Variants in CDH12 observed in about 807,000 individuals in gnomAD.
The protein encoded by CDH12 is cadherin 12.
Under a neutral mutation model 74.1 loss-of-function variants are expected in CDH12, and 41 were observed. The observed-to-expected ratio is 0.55, with a 90% CI of 0.43 to 0.72. The LOEUF (loss-of-function observed/expected upper bound fraction) is 0.72, where lower values mean the gene tolerates loss of function less well. CDH12 is among the 30% of genes least tolerant of loss of function. The probability of loss-of-function intolerance (pLI) is 0.00; values close to 1 mark genes in which losing one functional copy is unlikely to be tolerated. For synonymous variants in CDH12, 399 were observed against 355.0 expected (o/e 1.12, Z -1.39); for missense variants, 945 against 977.2 (o/e 0.97, Z 0.44).
At chr5:21,931,911 G>C (rs1372567331) in intron 6 of CDH12, among the ~76,000 whole-genome samples, 1 of 152,126 alleles carries the variant, frequency 6.6e-6, no homozygotes, top group East Asian at 1.9e-4. Flanking sequence ...GAGATTTTTA[G>C]AAATAAAAAT....
At chr5:21,927,217 T>C (rs1012337196) in intron 6 of CDH12, among the ~76,000 whole-genome samples, 8 of 152,090 alleles carry the variant, frequency 5.3e-5, no homozygotes, top group Non-Finnish European at 8.8e-5. Flanking sequence ...GAAATAACAA[T>C]TAACCATGAC....
chr5:21,809,131 C>G (rs1747600868), intron 9 of CDH12, among the ~76,000 whole-genome samples: 1 of 152,008 alleles, frequency 6.6e-6, no homozygotes, highest in Non-Finnish European at 1.5e-5. Context: ...CAAGTTATTA[C>G]TATACTTTAG....
At chr5:22,473,625 A>T (rs1173554076) in intron 2 of CDH12, among the ~76,000 whole-genome samples, 1 of 152,154 alleles carries the variant, frequency 6.6e-6, no homozygotes, top group East Asian at 1.9e-4. Context: ...AATTGCAAAA[A>T]ATTTGAACAA....
intron 1 of CDH12, among the ~76,000 whole-genome samples, chr5:22,799,858 C>T (rs1332314063): frequency 6.6e-6 from 1 of 152,046 alleles, no homozygotes; most frequent in Admixed American, 6.6e-5. Context: ...ATAATTTTTG[C>T]TCTTAAAGTT....
intron 3 of CDH12, among the ~76,000 whole-genome samples, chr5:22,376,991 T>A (rs1486757808): frequency 6.6e-6 from 1 of 152,128 alleles, no homozygotes; most frequent in Non-Finnish European, 1.5e-5. Flanking sequence ...GGTATTAGTT[T>A]ATAAATTACC....
At chr5:22,666,221 A>G (rs1364123755) in intron 1 of CDH12, among the ~76,000 whole-genome samples, 1 of 148,440 alleles carries the variant, frequency 6.7e-6, no homozygotes, top group Non-Finnish European at 1.5e-5. Flanking sequence ...TGTCTAATCT[A>G]TTCTCACAGT....
intron 3 of CDH12, among the ~76,000 whole-genome samples, chr5:22,357,384 C>T (rs1414852363): frequency 6.6e-6 from 1 of 151,986 alleles, no homozygotes; most frequent in Non-Finnish European, 1.5e-5. Context: ...TTGAGGTAGT[C>T]TGCTCACAGA....
At chr5:22,259,160 T>C (rs1315400075) in intron 3 of CDH12, among the ~76,000 whole-genome samples, 1 of 152,112 alleles carries the variant, frequency 6.6e-6, no homozygotes, top group African/African-American at 2.4e-5. Flanking sequence ...CCATAATAAA[T>C]TGACAATGAA....
chr5:21,808,856 A>C (rs1747584051), intron 9 of CDH12, among the ~76,000 whole-genome samples: 1 of 152,114 alleles, frequency 6.6e-6, no homozygotes. Context: ...TTGCCACTAT[A>C]TCAGGTGAGA....
chr5:22,724,109 G>T (rs1465737433), intron 1 of CDH12, among the ~76,000 whole-genome samples: 1 of 151,748 alleles, frequency 6.6e-6, no homozygotes, highest in Non-Finnish European at 1.5e-5. Context: ...TGGAATTGGG[G>T]TTGGAATTTA....
At chr5:21,765,172 T>A (rs1744951992) in intron 11 of CDH12, 73 bp from the exon 12 acceptor site, 15 of 1,249,796 alleles carry the variant, frequency 1.2e-5, no homozygotes, top group Non-Finnish European at 1.6e-5. Context: ...TAAATAGTAT[T>A]TACATTTTTA....
At chr5:21,973,919 C>A (rs1319929686) in intron 6 of CDH12, among the ~76,000 whole-genome samples, 1 of 152,036 alleles carries the variant, frequency 6.6e-6, no homozygotes, top group Non-Finnish European at 1.5e-5. Flanking sequence ...GTAGCAGGTA[C>A]TGAATAACAG....
intron 3 of CDH12, among the ~76,000 whole-genome samples, chr5:22,239,430 T>TA (rs56947245): frequency 5.1e-3 from 763 of 148,516 alleles, no homozygotes; most frequent in African/African-American, 0.013. Context: ...AGAATTCTGT[T>TA]AAAAAAAAAA....
intron 1 of CDH12, among the ~76,000 whole-genome samples, chr5:22,695,263 G>A (rs1411810947): frequency 2.0e-5 from 3 of 152,076 alleles, no homozygotes; most frequent in Non-Finnish European, 4.4e-5. Flanking sequence ...CATTTGGGTT[G>A]GTTCCAAGTC....
intron 9 of CDH12, 103 bp downstream of exon 9, chr5:21,816,842 C>G (rs540142045): frequency 1.2e-6 from 1 of 801,852 alleles, no homozygotes; most frequent in Non-Finnish European, 1.9e-6. Flanking sequence ...AACTCTATTG[C>G]TAATTGAAGG....
At chr5:21,891,327 C>T (rs756091889) in intron 6 of CDH12, among the ~76,000 whole-genome samples, 3 of 151,860 alleles carry the variant, frequency 2.0e-5, no homozygotes, top group Non-Finnish European at 4.4e-5. Flanking sequence ...CAGACATAGC[C>T]CTATTTTTGG....
At chr5:22,734,859 C>G (rs1273979191) in intron 1 of CDH12, among the ~76,000 whole-genome samples, 1 of 151,790 alleles carries the variant, frequency 6.6e-6, no homozygotes, top group Non-Finnish European at 1.5e-5. Context: ...TGTTATGACC[C>G]CAACATGAGA....
intron 1 of CDH12, among the ~76,000 whole-genome samples, chr5:22,660,656 A>G (rs910414798): frequency 2.6e-5 from 4 of 152,142 alleles, no homozygotes; most frequent in South Asian, 4.1e-4. Context: ...GGGCTCAAGT[A>G]ATCTCCCTGC....
chr5:22,478,551 T>C (rs182611692), intron 2 of CDH12, among the ~76,000 whole-genome samples: 2 of 152,112 alleles, frequency 1.3e-5, no homozygotes, highest in Admixed American at 6.5e-5. Context: ...CTTGTTCAAG[T>C]AGAGAAGTAA....
Sources: allele counts gnomAD v4.1 joint callset (sites outside exome capture counted in the v4.1 genomes callset), GRCh38; gene constraint gnomAD v4.1.1; transcripts MANE v1.5; gene names NCBI Gene and HGNC (gene_info 2026-07-23, HGNC 2026-07-21).